The following MYO3B variants were observed in gnomAD, a reference collection of about 807,000 sequenced individuals.
MYO3B encodes the protein myosin-IIIb.
MYO3B carries 156 observed loss-of-function variants against 174.6 expected under a neutral mutation model. The ratio of observed to expected loss-of-function variants is 0.89; its 90% CI spans 0.78 to 1.02. The LOEUF is 1.02. MYO3B is among the 50% of genes least tolerant of loss of function. The pLI, the probability that MYO3B is intolerant of heterozygous loss-of-function variation, is 0.00. For synonymous variants in MYO3B, 563 were observed against 569.1 expected (o/e 0.99, Z 0.15); for missense variants, 1,632 against 1,639.4 (o/e 1.00, Z 0.08).
chr2:170,474,460 G>A (rs1283711250), intron 25 of MYO3B, among the ~76,000 whole-genome samples: 1 of 151,918 alleles, frequency 6.6e-6, no homozygotes, highest in African/African-American at 2.4e-5. Context: ...TCCATGGCTG[G>A]ACATGGTGGC....
intron 8 of MYO3B, among the ~76,000 whole-genome samples, chr2:170,366,495 T>C (rs1484538769): frequency 6.6e-6 from 1 of 151,972 alleles, no homozygotes; most frequent in Non-Finnish European, 1.5e-5. Context: ...GGTCTCACTA[T>C]GTTGCTCAGG....
chr2:170,285,433 A>G (rs963086635), intron 7 of MYO3B, among the ~76,000 whole-genome samples: 4 of 151,838 alleles, frequency 2.6e-5, no homozygotes, highest in African/African-American at 4.8e-5. Context: ...CAGTGGCACA[A>G]TCTCGGCCCC....
chr2:170,507,559 C>T (rs1472216131), intron 28 of MYO3B, among the ~76,000 whole-genome samples: 1 of 152,042 alleles, frequency 6.6e-6, no homozygotes, highest in African/African-American at 2.4e-5. Context: ...ACCACCACAC[C>T]CAGCTCTTTT....
intron 28 of MYO3B, among the ~76,000 whole-genome samples, chr2:170,505,131 T>A (rs1374933865): frequency 1.3e-5 from 2 of 151,984 alleles, no homozygotes; most frequent in South Asian, 4.1e-4. Context: ...CAAGGATACA[T>A]TTCCTATGTG....
At chr2:170,338,822 C>T (rs1289150639) in intron 8 of MYO3B, among the ~76,000 whole-genome samples, 1 of 152,014 alleles carries the variant, frequency 6.6e-6, no homozygotes, top group Non-Finnish European at 1.5e-5. Context: ...AGGTTAGTCT[C>T]GAACTCCTGA....
rs1247359502 is a variant in MYO3B at position 170,383,605 on chromosome 2, G to A, written c.1186-105G>A. On this transcript the variant is annotated intron_variant, in intron 11 of 34. Coordinates refer to ENST00000408978, the MANE Select transcript of MYO3B (RefSeq NM_138995.5). ...ACCTATACCCTACAGTCTTCCTAAT[G>A]CAACAAGTACCCTAATAAGTGACAG... The A allele has an allele frequency of 4.8e-6, 4 of 838,546 alleles. No homozygotes were observed. In the African/African-American group the frequency reaches 5.0e-5, roughly 11 times the overall value. The allele number at this position is 838,546 out of a possible 1,614,324, so 51.9% of individuals were successfully genotyped here.
intron 32 of MYO3B, among the ~76,000 whole-genome samples, chr2:170,643,204 T>A (rs532082205): frequency 4.5e-4 from 69 of 152,322 alleles, no homozygotes; most frequent in African/African-American, 1.6e-3. Context: ...GCCTCTGTTA[T>A]CTCTTTAGGG....
chr2:170,438,240 T>A (rs1271625720), intron 22 of MYO3B, among the ~76,000 whole-genome samples: 1 of 152,216 alleles, frequency 6.6e-6, no homozygotes, highest in Non-Finnish European at 1.5e-5. Context: ...TCATCCATGT[T>A]GTAGTGTATG....
intron 7 of MYO3B, among the ~76,000 whole-genome samples, chr2:170,280,058 C>T (rs13423908): frequency 0.53 from 80,499 of 151,982 alleles, 22,734 homozygotes; most frequent in African/African-American, 0.72. Context: ...TCCACAATCA[C>T]TGAAATAATT....
In MYO3B at chr2:170,517,450, G is replaced by GT. The variant is rs113958967; in HGVS notation, c.3473-1978dup. Among the ~76,000 whole-genome samples, 251 of 149,496 alleles carry GT rather than the reference G, an allele frequency of 1.7e-3. 1 individual carries two copies. Among genetic ancestry groups the GT allele is most frequent in the African/African-American group, 5.1e-3 (207 of 40,872 alleles). On this transcript the variant is annotated intron_variant, in intron 29 of 34. Coordinates refer to ENST00000408978, the MANE Select transcript of MYO3B (RefSeq NM_138995.5). ...GTCCCAAACCAAAAGAGATTTTACAGTTTTTTTTTTCTAGATCTCTTTGTG... is the reference window on the plus strand; with the variant it reads ...GTCCCAAACCAAAAGAGATTTTACAGTTTTTTTTTTTCTAGATCTCTTTGTG...
intron 19 of MYO3B, among the ~76,000 whole-genome samples, chr2:170,403,389 A>G (rs940498079): frequency 1.3e-5 from 2 of 152,278 alleles, no homozygotes; most frequent in Admixed American, 6.5e-5. Flanking sequence ...CCTATCTGCT[A>G]TATACCAGAT....
At chr2:170,590,850 C>G (rs1693779322) in intron 32 of MYO3B, among the ~76,000 whole-genome samples, 1 of 152,100 alleles carries the variant, frequency 6.6e-6, no homozygotes, top group African/African-American at 2.4e-5. Flanking sequence ...CTCAGGCCCT[C>G]TAGGGTGCTG....
At chr2:170,224,650 A>G (rs1417815587) in intron 6 of MYO3B, among the ~76,000 whole-genome samples, 1 of 152,066 alleles carries the variant, frequency 6.6e-6, no homozygotes, top group Non-Finnish European at 1.5e-5. Context: ...GCATCTTCCT[A>G]AAACAGCTAA....
chr2:170,251,735 T>A (rs1460003551), intron 7 of MYO3B, among the ~76,000 whole-genome samples: 1 of 152,204 alleles, frequency 6.6e-6, no homozygotes, highest in Non-Finnish European at 1.5e-5. Context: ...GACAATAAAT[T>A]TCTGTTTTTC....
At chr2:170,264,755 A>G (rs1341655552) in intron 7 of MYO3B, among the ~76,000 whole-genome samples, 1 of 152,218 alleles carries the variant, frequency 6.6e-6, no homozygotes, top group Non-Finnish European at 1.5e-5. Flanking sequence ...GATAAATACA[A>G]TGAAAATTGG....
intron 32 of MYO3B, among the ~76,000 whole-genome samples, chr2:170,544,358 T>G (rs1350229613): frequency 6.6e-6 from 1 of 152,232 alleles, no homozygotes; most frequent in Non-Finnish European, 1.5e-5. Context: ...AAAGTAGTTC[T>G]GCCCTTTTGG....
At chr2:170,235,258 G>A (rs538289788) in intron 6 of MYO3B, among the ~76,000 whole-genome samples, 2 of 152,346 alleles carry the variant, frequency 1.3e-5, no homozygotes, top group East Asian at 3.9e-4. Flanking sequence ...TATCGCCATT[G>A]TGATAGTCAT....
intron 23 of MYO3B, among the ~76,000 whole-genome samples, chr2:170,452,207 A>T (rs75402068): frequency 2.6e-5 from 4 of 152,268 alleles, no homozygotes; most frequent in South Asian, 2.1e-4. Context: ...AAAAAAAAAA[A>T]GGTTCAGGTA....
At chr2:170,294,510 C>T (rs2093616519) in intron 7 of MYO3B, among the ~76,000 whole-genome samples, 2 of 151,778 alleles carry the variant, frequency 1.3e-5, no homozygotes, top group African/African-American at 2.4e-5. Context: ...TGGTTATATA[C>T]TGTGATTTGT....
Sources: gnomAD v4.1 joint callset for allele counts (sites outside exome capture counted in the v4.1 genomes callset) on GRCh38, gnomAD v4.1.1 for gene constraint, MANE v1.5 for transcripts, NCBI Gene and HGNC (gene_info 2026-07-23, HGNC 2026-07-21) for gene names.